The following EML6 variants were observed in gnomAD, a reference collection of about 807,000 sequenced individuals.
The protein encoded by EML6 is echinoderm microtubule-associated protein-like 6.
EML6 carries 154 observed loss-of-function variants against 240.1 expected under a neutral mutation model. The ratio of observed to expected loss-of-function variants is 0.64; its 90% CI spans 0.56 to 0.73. The LOEUF (loss-of-function observed/expected upper bound fraction) is 0.73, where lower values mean the gene tolerates loss of function less well. Ranked by LOEUF, EML6 falls within the 30% of genes least tolerant of loss-of-function variation. The pLI is 0.00. For missense variants in EML6, 2,964 were observed against 2,474.6 expected (o/e 1.20, Z -4.20); for synonymous variants, 1,148 against 899.0 (o/e 1.28, Z -4.95).
At chr2:54,838,159 C>T (rs1443048143) in intron 7 of EML6, among the ~76,000 whole-genome samples, 1 of 152,106 alleles carries the variant, frequency 6.6e-6, no homozygotes, top group Non-Finnish European at 1.5e-5. Context: ...TAGGAAAGGC[C>T]CATAGGGCAC....
intron 2 of EML6, among the ~76,000 whole-genome samples, chr2:54,793,930 G>A (rs563674514): frequency 1.3e-5 from 2 of 152,320 alleles, no homozygotes; most frequent in East Asian, 1.9e-4. Context: ...CAAAGAGAAA[G>A]TGTCTACTTG....
intron 8 of EML6, among the ~76,000 whole-genome samples, chr2:54,846,966 C>A (rs1404713311): frequency 3.5e-5 from 5 of 141,750 alleles, no homozygotes; most frequent in African/African-American, 7.6e-5. Context: ...GACACCCAGG[C>A]TGGAGTGCGG....
chr2:54,782,452 G>C (rs1158691905), intron 2 of EML6, among the ~76,000 whole-genome samples: 2 of 152,046 alleles, frequency 1.3e-5, no homozygotes, highest in African/African-American at 2.4e-5. Flanking sequence ...TCCTAAATTG[G>C]GGCTATTTTA....
chr2:54,816,336 C>G (rs1455086222), intron 3 of EML6, among the ~76,000 whole-genome samples: 1 of 152,086 alleles, frequency 6.6e-6, no homozygotes, highest in Non-Finnish European at 1.5e-5. Flanking sequence ...TTATAGAAAA[C>G]TAAAAATTAA....
At chr2:54,874,281 C>T (rs934079603) in intron 16 of EML6, among the ~76,000 whole-genome samples, 2 of 152,176 alleles carry the variant, frequency 1.3e-5, no homozygotes, top group African/African-American at 4.8e-5. Context: ...ATTAAGTGAG[C>T]TTAGAAACCT....
chr2:54,857,462 A>G (rs147989376), intron 11 of EML6, among the ~76,000 whole-genome samples: 32 of 152,350 alleles, frequency 2.1e-4, no homozygotes, highest in Non-Finnish European at 4.6e-4. Flanking sequence ...ATGCTGTCCT[A>G]CGGGATGGAG....
chr2:54,947,645 A>G (rs1675756334), intron 28 of EML6, among the ~76,000 whole-genome samples: 1 of 152,190 alleles, frequency 6.6e-6, no homozygotes, highest in African/African-American at 2.4e-5. Flanking sequence ...GGAAGATGTC[A>G]TTGTTTTTCT....
intron 11 of EML6, among the ~76,000 whole-genome samples, chr2:54,856,707 G>C (rs1670401137): frequency 6.6e-6 from 1 of 152,200 alleles, no homozygotes; most frequent in Non-Finnish European, 1.5e-5. Flanking sequence ...GGGTGACAGG[G>C]CTGTGTCGTA....
chr2:54,778,596 G>A (rs185622587), intron 2 of EML6, among the ~76,000 whole-genome samples: 130 of 152,100 alleles, frequency 8.5e-4, no homozygotes, highest in Non-Finnish European at 1.3e-3. Context: ...ATAATTAGAA[G>A]TGCATTGTTA....
rs1436180398 is a variant in EML6, at chr2:54,903,065, C to T, written c.3146C>T (p.Ser1049Phe). ...LKKGGRCCAFSPDGKALAVGL... is the reference protein window; with the variant it reads ...LKKGGRCCAFFPDGKALAVGL... ...GTAGGTGGAAGATGCTGTGCCTTTTCCCCTGATGGGAAAGCCTTAGCGGTT... is the reference window on the plus strand; with the variant it reads ...GTAGGTGGAAGATGCTGTGCCTTTTTCCCTGATGGGAAAGCCTTAGCGGTT... Residue 1049 changes from serine to phenylalanine, a missense_variant, in exon 23 of 42, where the codon TCC becomes TTC. Coordinates refer to ENST00000356458, the MANE Select transcript of EML6 (RefSeq NM_001039753.4). The T allele has an allele frequency of 6.4e-7, 1 of 1,551,654 alleles. No individual in the cohort carries two copies. The highest frequency in any genetic ancestry group is 8.7e-7 in the Non-Finnish European group (1 of 1,146,966).
At chr2:54,925,422 T>C (rs112667512) in intron 26 of EML6, among the ~76,000 whole-genome samples, 9 of 152,234 alleles carry the variant, frequency 5.9e-5, no homozygotes, top group African/African-American at 2.2e-4. Flanking sequence ...TTGAGTTCTA[T>C]GTCATCAGTC....
At chr2:54,808,808 T>C (rs1212925975) in intron 2 of EML6, among the ~76,000 whole-genome samples, 1 of 152,196 alleles carries the variant, frequency 6.6e-6, no homozygotes, top group Non-Finnish European at 1.5e-5. Flanking sequence ...GAAATCTTCG[T>C]GATCTTATCT....
At chr2:54,942,730 C>T (rs1675491598) in intron 28 of EML6, among the ~76,000 whole-genome samples, 2 of 152,198 alleles carry the variant, frequency 1.3e-5, no homozygotes, top group Non-Finnish European at 1.5e-5. Context: ...CCAGCCAGCT[C>T]CTGCCATGCC....
At position 54,892,544 on chromosome 2, in the gene EML6, T is replaced by G. The variant is rs1349397883; in HGVS notation, c.2630T>G (p.Leu877Arg). ...MCVSYGRMED[L>R]VFSGAATGDI... ...GTTTCTTACGGACGAATGGAAGATC[T>G]AGTGTTCTCAGGAGCAGCTACTGGA... The change falls in exon 19 of 42, where the codon CTA becomes CGA. Residue 877 changes from leucine to arginine, a missense_variant. Physicochemically the swap from Leu to Arg is moderately radical, Grantham distance 102. Coordinates refer to ENST00000356458, the MANE Select transcript of EML6 (RefSeq NM_001039753.4). 6.4e-7 allele frequency: 1 copy of G among 1,551,268 alleles called. No homozygotes were observed. The highest frequency in any genetic ancestry group is 2.0e-5 in the Admixed American group (1 of 51,008).
At chr2:54,779,524 C>T (rs552374055) in intron 2 of EML6, among the ~76,000 whole-genome samples, 415 of 120,434 alleles carry the variant, frequency 3.4e-3, no homozygotes, top group Non-Finnish European at 5.2e-3. Flanking sequence ...CCAGCCTGGG[C>T]GACAAAAGTG....
chr2:54,882,871 A>AAAAAAAAAAAAAAAAAAAAAAG (rs962733331), intron 17 of EML6: 6 of 128,830 alleles, frequency 4.7e-5, no homozygotes, highest in African/African-American at 8.8e-5. Flanking sequence ...AAAAAAAAAA[A>AAAAAAAAAAAAAAAAAAAAAAG]AAAGAAAGCT....
At chr2:54,860,825 G>C (rs1010054111) in intron 12 of EML6, among the ~76,000 whole-genome samples, 4 of 152,090 alleles carry the variant, frequency 2.6e-5, no homozygotes, top group East Asian at 1.9e-4. Context: ...TTTCTCCCCA[G>C]ATGGGGTTTA....
intron 24 of EML6, among the ~76,000 whole-genome samples, chr2:54,906,789 C>G (rs575391568): frequency 6.6e-6 from 1 of 152,348 alleles, no homozygotes; most frequent in African/African-American, 2.4e-5. Context: ...CCCAACACCT[C>G]AGTCCCCAAA....
chr2:54,766,017 T>A (rs775333820), intron 2 of EML6, among the ~76,000 whole-genome samples: 58 of 152,246 alleles, frequency 3.8e-4, no homozygotes, highest in Non-Finnish European at 6.3e-4. Context: ...CTCCCTTCTT[T>A]CCACCTCCTC....
Sources: gnomAD v4.1 joint callset for allele counts (sites outside exome capture counted in the v4.1 genomes callset) on GRCh38, gnomAD v4.1.1 for gene constraint, MANE v1.5 for transcripts, NCBI Gene and HGNC (gene_info 2026-07-23, HGNC 2026-07-21) for gene names.